The following ILDR2 variants were observed in gnomAD, a reference collection of about 807,000 sequenced individuals.
ILDR2 encodes immunoglobulin like domain containing receptor 2, also known as immunoglobulin-like domain-containing receptor 2.
Under a neutral mutation model 66.8 loss-of-function variants are expected in ILDR2, and 25 were observed. That is an observed-to-expected ratio of 0.37 (90% confidence interval 0.27 to 0.52). The LOEUF is 0.52. Ranked by LOEUF, ILDR2 falls within the 20% of genes least tolerant of loss-of-function variation. The pLI, the probability that ILDR2 is intolerant of heterozygous loss-of-function variation, is 0.88. For synonymous variants in ILDR2, 367 were observed against 357.2 expected (o/e 1.03, Z -0.31); for missense variants, 827 against 876.8 (o/e 0.94, Z 0.72).
chr1:166,947,424 T>C lies in ILDR2; in HGVS notation c.500-7854A>G, dbSNP rs116697930. Among the ~76,000 whole-genome samples, 605 of 152,312 alleles carry C rather than the reference T, an allele frequency of 4.0e-3. 1 individual carries two copies. The highest frequency in any genetic ancestry group is 8.1e-3 in the South Asian group (39 of 4,828). On this transcript the variant is annotated intron_variant, in intron 3 of 9. Transcript: ENST00000271417. ...GCCCTTTCCTCCGTGGCCAGCCCCC[T>C]TAGTGTGAAGGGGTTGGCATGGGGC...
intron 2 of ILDR2, among the ~76,000 whole-genome samples, chr1:166,901,242 C>G (rs1000783582): frequency 6.6e-6 from 1 of 152,168 alleles, no homozygotes; most frequent in South Asian, 2.1e-4. Context: ...GCAACAACAA[C>G]GATTGAAAAT....
chr1:166,935,809 G>A (rs944647330), intron 5 of ILDR2, among the ~76,000 whole-genome samples: 2 of 152,252 alleles, frequency 1.3e-5, no homozygotes, highest in South Asian at 2.1e-4. Flanking sequence ...AGGCTGCCTC[G>A]GCCCCTCTGG....
At chr1:166,928,320 G>A (rs926526772) in intron 6 of ILDR2, among the ~76,000 whole-genome samples, 1 of 152,218 alleles carries the variant, frequency 6.6e-6, no homozygotes, top group Non-Finnish European at 1.5e-5. Flanking sequence ...CTGGAACCAT[G>A]TAGTCTGATG....
chr1:166,903,134 T>C (rs760866871), intron 2 of ILDR2, among the ~76,000 whole-genome samples: 7 of 152,240 alleles, frequency 4.6e-5, no homozygotes, highest in Non-Finnish European at 1.0e-4. Flanking sequence ...TTTTCAAACA[T>C]AGGCCACATC....
intron 2 of ILDR2, among the ~76,000 whole-genome samples, chr1:166,896,792 C>G (rs1327273259): frequency 1.3e-5 from 2 of 151,992 alleles, no homozygotes; most frequent in African/African-American, 4.8e-5. Context: ...CATGTCACCA[C>G]ACCCAGCTAA....
chr1:166,973,895 A>G (rs1663455520), intron 1 of ILDR2, among the ~76,000 whole-genome samples: 1 of 152,174 alleles, frequency 6.6e-6, no homozygotes, highest in Non-Finnish European at 1.5e-5. Context: ...CCCCCAGCCT[A>G]AACCCAGCAG....
intron 1 of ILDR2, among the ~76,000 whole-genome samples, chr1:166,965,988 G>A (rs1365968197): frequency 6.6e-6 from 1 of 152,126 alleles, no homozygotes; most frequent in Non-Finnish European, 1.5e-5. Context: ...TCAGCCCTTA[G>A]TAGCATTGTC....
At chr1:166,926,750 A>C (rs912660508) in intron 7 of ILDR2, among the ~76,000 whole-genome samples, 8 of 151,878 alleles carry the variant, frequency 5.3e-5, no homozygotes, top group Admixed American at 3.9e-4. Context: ...TATTCAAAGA[A>C]AGTTTGAATA....
At chr1:166,951,328 CAG>C (rs1232084327) in intron 3 of ILDR2, among the ~76,000 whole-genome samples, 2 of 152,214 alleles carry the variant, frequency 1.3e-5, no homozygotes, top group East Asian at 3.9e-4. Flanking sequence ...GATGCTAACA[CAG>C]AGAGTGCAGA....
intron 3 of ILDR2, among the ~76,000 whole-genome samples, chr1:166,946,478 GGTTTTTT>G (rs923921452): frequency 2.7e-5 from 4 of 146,844 alleles, no homozygotes; most frequent in African/African-American, 5.0e-5. Flanking sequence ...CTTTGAGGTT[GGTTTTTT>G]GTTTTTTGTT....
chr1:166,932,600 G>C (rs1043623839), intron 6 of ILDR2, among the ~76,000 whole-genome samples: 1 of 152,182 alleles, frequency 6.6e-6, no homozygotes, highest in Non-Finnish European at 1.5e-5. Flanking sequence ...ATCCAGAGCA[G>C]CACAGGAGCA....
intron 3 of ILDR2, among the ~76,000 whole-genome samples, chr1:166,940,772 G>A (rs1053301223): frequency 6.6e-6 from 1 of 152,198 alleles, no homozygotes; most frequent in Non-Finnish European, 1.5e-5. Flanking sequence ...CAGCTCTGGT[G>A]ATCTGTTTCA....
Position 166,909,736 on chromosome 1 carries a change from C to CATATATAT in ILDR2, c.*9611_*9618dup, listed in dbSNP as rs374479063. 246 of 100,804 alleles carry CATATATAT rather than the reference C, an allele frequency of 2.4e-3. 1 individual carries two copies. The highest frequency in any genetic ancestry group is 4.5e-3 in the African/African-American group (112 of 24,906). 6.2% of individuals were successfully genotyped at this position (100,804 alleles called of 1,614,324 possible). A position where few individuals can be genotyped will look rare whatever the true frequency, so the allele number is the denominator to read the frequency against. On this transcript the variant is annotated 3_prime_UTR_variant, in exon 10 of 10. Coordinates refer to ENST00000271417, the MANE Select transcript of ILDR2 (RefSeq NM_199351.3). ...ATATATATGTGTGTGTGTATACATACATATATATATATATATATATATAAA... is the reference window on the plus strand; with the variant it reads ...ATATATATGTGTGTGTGTATACATACATATATATATATATATATATATATATATATAAA...
rs1376702095 is a variant in ILDR2, at chr1:166,921,257, T to C, written c.1334A>G (p.Asp445Gly). 3 of 1,598,938 alleles carry C rather than the reference T, an allele frequency of 1.9e-6. No homozygotes were observed. The Admixed American group carries it at 5.0e-5, about 27-fold the overall frequency. ...DSYGQRPRRA[D>G]GNSHEARGGS... Reference sequence around the variant, plus strand: ...GCCCCGCGCCTCGTGACTGTTGCCGTCTGCCCGGCGGGGCCGCTGGCCGTA... The same window carrying C: ...GCCCCGCGCCTCGTGACTGTTGCCGCCTGCCCGGCGGGGCCGCTGGCCGTA... Residue 445 changes from aspartate to glycine, a missense_variant, in exon 9 of 10, where the codon GAC becomes GGC. By Grantham distance (94) the Asp-to-Gly change is moderately conservative. Coordinates refer to ENST00000271417, the MANE Select transcript of ILDR2 (RefSeq NM_199351.3). This position sits in a 1 kb window ranked among gnomAD's most constrained non-coding sequence, Gnocchi z 5.3.
At chr1:166,943,148 G>A (rs1307003589) in intron 3 of ILDR2, among the ~76,000 whole-genome samples, 1 of 152,246 alleles carries the variant, frequency 6.6e-6, no homozygotes, top group Non-Finnish European at 1.5e-5. Context: ...AGGAGTTTTG[G>A]GAGAGCAGAC....
At chr1:166,967,183 A>C (rs147775664) in intron 1 of ILDR2, among the ~76,000 whole-genome samples, 1 of 152,280 alleles carries the variant, frequency 6.6e-6, no homozygotes, top group Non-Finnish European at 1.5e-5. Context: ...ACTTCTCTCA[A>C]AACAAGTGGC....
intron 1 of ILDR2, among the ~76,000 whole-genome samples, chr1:166,966,837 C>A (rs1336168365): frequency 6.6e-6 from 1 of 152,114 alleles, no homozygotes; most frequent in East Asian, 1.9e-4. Context: ...GATGGAACAG[C>A]CACTTAGACA....
chr1:166,963,161 G>T (rs1429065153), intron 1 of ILDR2, among the ~76,000 whole-genome samples: 2 of 152,108 alleles, frequency 1.3e-5, no homozygotes, highest in African/African-American at 4.8e-5. Flanking sequence ...CATTCAGTTG[G>T]TCGCTAAGTC....
At chr1:166,960,436 A>G (rs2072742) in intron 1 of ILDR2, among the ~76,000 whole-genome samples, 26,174 of 152,150 alleles carry the variant, frequency 0.17, 2,380 homozygotes, top group Non-Finnish European at 0.19. Context: ...ACCATACACT[A>G]ATGATGGTTT....
Sources: gnomAD v4.1 joint callset for allele counts (sites outside exome capture counted in the v4.1 genomes callset) on GRCh38, gnomAD v4.1.1 for gene constraint, Gnocchi (gnomAD v3.1) non-coding constraint, MANE v1.5 for transcripts, NCBI Gene and HGNC (gene_info 2026-07-23, HGNC 2026-07-21) for gene names.